Variants in SHANK2 observed in about 807,000 individuals in gnomAD.
SHANK2 encodes SH3 and multiple ankyrin repeat domains 2, also known as SH3 and multiple ankyrin repeat domains protein 2.
In SHANK2, 43 loss-of-function variants were observed where a neutral mutation model predicts 133.7. The observed-to-expected ratio is 0.32, with a 90% CI of 0.25 to 0.41. SHANK2 has a LOEUF of 0.41. Among genes scored for constraint, SHANK2 ranks in the 10% least tolerant of loss-of-function variants. SHANK2 has a pLI of 1.00. For missense variants in SHANK2, 1,994 were observed against 2,235.8 expected, an observed-to-expected ratio of 0.89 and a Z score of 2.18; for synonymous variants, 1,017 against 952.8, an observed-to-expected ratio of 1.07 and a Z score of -1.24.
At position 70,820,563 on chromosome 11, in the gene SHANK2, C is replaced by A; in HGVS notation, c.1294G>T (p.Asp432Tyr). The A allele has an allele frequency of 4.2e-6, 3 of 716,948 alleles. No homozygotes were observed. 44.4% of individuals were successfully genotyped at this position (716,948 alleles called of 1,614,324 possible). The change falls in exon 12 of 26, where the codon GAC becomes TAC. Residue 432 changes from aspartate to tyrosine, a missense_variant. Around this residue, in one of 5 missense-constraint regions of SHANK2, gnomAD observed 653 missense variants for 563.4 expected, o/e 1.16. Coordinates refer to ENST00000601538, the MANE Select transcript of SHANK2 (RefSeq NM_012309.5). The part of the protein sequence containing the change: ...SDNNLNASAP[D>Y]WAVCSTATSH... ...GTGGCCGTGGAGCAGACGGCCCAGT[C>A]GGGAGCGCTGGCATTGAGGTTGTTG...
intron 10 of SHANK2, chr11:70,911,298 G>A: frequency 2.3e-6 from 1 of 428,898 alleles, no homozygotes; most frequent in Non-Finnish European, 4.7e-6. Context: ...GGAGGTTGCA[G>A]TGAGCCAAGA....
At chr11:71,084,397 T>C (rs1458122804) in intron 8 of SHANK2, among the ~76,000 whole-genome samples, 1 of 152,172 alleles carries the variant, frequency 6.6e-6, no homozygotes, top group African/African-American at 2.4e-5. Context: ...AATGTGTCCT[T>C]AGGCCATGTG....
intron 14 of SHANK2, among the ~76,000 whole-genome samples, chr11:70,772,144 C>A (rs890953250): frequency 1.3e-5 from 2 of 152,032 alleles, no homozygotes; most frequent in Non-Finnish European, 2.9e-5. Context: ...ACAAGCCCCC[C>A]TAGTTTGAGA....
At chr11:70,893,910 T>C (rs527395084) in intron 11 of SHANK2, among the ~76,000 whole-genome samples, 8 of 152,166 alleles carry the variant, frequency 5.3e-5, no homozygotes, top group Non-Finnish European at 1.0e-4. Context: ...CGTGAGCCTG[T>C]GGTGGGTGCC....
In SHANK2 at chr11:70,906,619, C is replaced by T. The variant is rs190710554; in HGVS notation, c.1108-10052G>A. ...TGGAAAATGGCTTCTCGGAAAGGCA[C>T]GAGAGAAACCGAGCACTTGGGATGT... is the stretch of plus-strand genomic sequence containing the variant. On this transcript the variant is annotated intron_variant, in intron 10 of 25. Transcript: ENST00000601538. 9.9e-4 allele frequency among the ~76,000 whole-genome samples: 150 copies of T among 152,280 alleles called. 2 individuals carry two copies. The highest frequency in any genetic ancestry group is 5.2e-3 in the Admixed American group (80 of 15,286).
chr11:70,502,269 G>T lies in SHANK2; in HGVS notation c.2215C>A (p.Arg739=), dbSNP rs1471006529. 2 of 1,557,188 alleles carry T rather than the reference G, an allele frequency of 1.3e-6. No homozygotes were observed. Among genetic ancestry groups the T allele is most frequent in the Admixed American group, 2.0e-5 (1 of 51,124 alleles). ...ARKKAPPPPK[R]APTTALTLRS... ...AGGGTGAGGGCTGTGGTCGGTGCCC[G>T]CTTTGGAGGCGGGGGAGCTGGAGGG... Residue 739 remains arginine (R), a synonymous_variant, in exon 19 of 26, where the codon CGG becomes AGG. Transcript: ENST00000601538.
intron 2 of SHANK2, among the ~76,000 whole-genome samples, chr11:71,154,774 G>GGA (rs1952868652): frequency 1.0e-5 from 1 of 98,996 alleles, no homozygotes; most frequent in East Asian, 2.5e-4. Context: ...CGCTCCCAGA[G>GGA]GGATGGACCT....
chr11:71,133,232 A>AGATG (rs1444423541), intron 3 of SHANK2, among the ~76,000 whole-genome samples: 1 of 107,230 alleles, frequency 9.3e-6, no homozygotes, highest in African/African-American at 5.9e-5. Flanking sequence ...GTGGATGCAC[A>AGATG]GATGAATGGA....
intron 2 of SHANK2, among the ~76,000 whole-genome samples, chr11:71,156,583 T>C (rs1952910340): frequency 6.6e-6 from 1 of 152,184 alleles, no homozygotes; most frequent in African/African-American, 2.4e-5. Flanking sequence ...TAATTCCACA[T>C]CTAATTCCTT....
At position 70,500,183 on chromosome 11, in the gene SHANK2, G is replaced by A. The variant is rs1555158066; in HGVS notation, c.2308+387C>T. On this transcript the variant is annotated intron_variant, in intron 21 of 25. Transcript: ENST00000601538. The surrounding 1 kb of genome is among the most constrained non-coding windows in gnomAD (Gnocchi z 4.5). Reference sequence around the variant, plus strand: ...CTCTTGGGGAATGGGTGATTTCCGGGCCTTAAAGGGAGGCAGTTCCTGCCC... The same window carrying A: ...CTCTTGGGGAATGGGTGATTTCCGGACCTTAAAGGGAGGCAGTTCCTGCCC... Among the ~76,000 whole-genome samples the A allele has an allele frequency of 2.0e-5, 3 of 152,084 alleles. No individual in the cohort carries two copies. The highest frequency in any genetic ancestry group is 4.4e-5 in the Non-Finnish European group (3 of 68,012).
chr11:70,880,309 G>A (rs1949639758), intron 11 of SHANK2, among the ~76,000 whole-genome samples: 1 of 152,224 alleles, frequency 6.6e-6, no homozygotes, highest in African/African-American at 2.4e-5. Flanking sequence ...CGAAAGAAGG[G>A]CTGTGGTCAG....
At chr11:70,870,732 G>C (rs1949445873) in intron 11 of SHANK2, among the ~76,000 whole-genome samples, 2 of 152,194 alleles carry the variant, frequency 1.3e-5, no homozygotes, top group Non-Finnish European at 2.9e-5. Context: ...CTTTGTGTGA[G>C]GTTTGCTCCG....
chr11:70,867,383 G>A (rs1471027093), intron 11 of SHANK2, among the ~76,000 whole-genome samples: 1 of 152,220 alleles, frequency 6.6e-6, no homozygotes, highest in African/African-American at 2.4e-5. Context: ...CGGAGGCCAA[G>A]GATCAGGCCA....
chr11:70,799,056 C>T (rs1350940865), intron 13 of SHANK2, among the ~76,000 whole-genome samples: 1 of 152,158 alleles, frequency 6.6e-6, no homozygotes, highest in Non-Finnish European at 1.5e-5. Flanking sequence ...AGAAAATCCA[C>T]CTGCCCGGCT....
rs1555154012 is a variant in SHANK2, at chr11:70,486,950, C to G, written c.3343G>C (p.Gly1115Arg). 1.9e-6 allele frequency: 3 copies of G among 1,612,366 alleles called. No homozygotes were observed. The highest frequency in any genetic ancestry group is 2.2e-5 in the South Asian group (2 of 91,080). The change falls in exon 25 of 26, where the codon GGG (glycine) becomes CGG (arginine). Residue 1115 changes from glycine to arginine, a missense_variant. Physicochemically the swap from Gly to Arg is moderately radical, Grantham distance 125. Around this residue, in one of 5 missense-constraint regions of SHANK2, gnomAD observed 488 missense variants for 642.6 expected, o/e 0.76. Coordinates refer to ENST00000601538, the MANE Select transcript of SHANK2 (RefSeq NM_012309.5). The surrounding 1 kb of genome is among the most constrained non-coding windows in gnomAD (Gnocchi z 8.0). ...TDLGDEDVGL[G>R]PPAPRTRPSM... Reference sequence around the variant, plus strand: ...GGCCGCGTCCTGGGGGCGGGTGGCCCCAGGCCCACATCCTCATCCCCCAGG... The same window carrying G: ...GGCCGCGTCCTGGGGGCGGGTGGCCGCAGGCCCACATCCTCATCCCCCAGG...
At chr11:70,770,633 G>T (rs1947227840) in intron 14 of SHANK2, among the ~76,000 whole-genome samples, 1 of 152,204 alleles carries the variant, frequency 6.6e-6, no homozygotes, top group Non-Finnish European at 1.5e-5. Context: ...CTGGGAAAGG[G>T]CTTGGGCACC....
intron 14 of SHANK2, among the ~76,000 whole-genome samples, chr11:70,766,825 G>C (rs1417341108): frequency 6.6e-6 from 1 of 152,208 alleles, no homozygotes; most frequent in African/African-American, 2.4e-5. Flanking sequence ...GATCATTTTG[G>C]AAAAGTAGGC....
chr11:70,476,287 C>T (rs1555150092), intron 25 of SHANK2, among the ~76,000 whole-genome samples: 1 of 152,120 alleles, frequency 6.6e-6, no homozygotes, highest in Non-Finnish European at 1.5e-5. Context: ...AATCAGAGCC[C>T]AGTGGGGCTT....
intron 14 of SHANK2, chr11:70,705,360 C>G (rs1945639373): frequency 6.6e-6 from 1 of 152,124 alleles, no homozygotes; most frequent in Non-Finnish European, 1.5e-5. Context: ...CCAGTACATC[C>G]TAGGCAGAGA....
Sources: allele counts gnomAD v4.1 joint callset (sites outside exome capture counted in the v4.1 genomes callset), GRCh38; gene constraint gnomAD v4.1.1; regional missense constraint gnomAD v4.1.1; non-coding constraint Gnocchi (gnomAD v3.1); transcripts MANE v1.5; gene names NCBI Gene and HGNC (gene_info 2026-07-23, HGNC 2026-07-21).